The following RFC3 variants were observed in gnomAD, a reference collection of about 807,000 sequenced individuals.
RFC3 encodes the protein A1 38 kDa subunit.
Under a neutral mutation model 45.1 loss-of-function variants are expected in RFC3, and 41 were observed. The ratio of observed to expected loss-of-function variants is 0.91; its 90% CI spans 0.71 to 1.18. The LOEUF is 1.18. RFC3 is among the 50% of genes most tolerant of loss of function. The pLI is 0.00. For missense variants in RFC3, 423 were observed against 428.1 expected (o/e 0.99, Z 0.10); for synonymous variants, 149 against 144.0 (o/e 1.03, Z -0.25).
chr13:33,958,728 C>G (rs1278874506), intron 8 of RFC3, among the ~76,000 whole-genome samples: 2 of 152,144 alleles, frequency 1.3e-5, no homozygotes, highest in African/African-American at 4.8e-5. Flanking sequence ...TGTTTTTAAT[C>G]CACCATAATG....
At chr13:33,957,944 A>G (rs186285680) in intron 8 of RFC3, among the ~76,000 whole-genome samples, 96 of 152,332 alleles carry the variant, frequency 6.3e-4, no homozygotes, top group African/African-American at 2.2e-3. Context: ...TAGGAATACA[A>G]TGGTGAACCA....
the RFC3 span, among the ~76,000 whole-genome samples, chr13:33,971,824 A>T: frequency 1.3e-5 from 2 of 152,226 alleles, no homozygotes; most frequent in Admixed American, 6.5e-5. Flanking sequence ...TACTTTAAAA[A>T]TTCCTGGTCA....
the RFC3 span, among the ~76,000 whole-genome samples, chr13:33,971,575 T>C: frequency 6.6e-6 from 1 of 152,210 alleles, no homozygotes; most frequent in African/African-American, 2.4e-5. Flanking sequence ...AGAGCAGCCA[T>C]AGGCTATAAG....
intron 8 of RFC3, among the ~76,000 whole-genome samples, chr13:33,938,445 G>A (rs2082902426): frequency 6.6e-6 from 1 of 151,944 alleles, no homozygotes; most frequent in Middle Eastern, 3.2e-3. Flanking sequence ...CCATGAAGAA[G>A]CAACAGATTA....
At chr13:33,976,398 T>C in the RFC3 span, among the ~76,000 whole-genome samples, 1 of 151,738 alleles carries the variant, frequency 6.6e-6, no homozygotes, top group African/African-American at 2.4e-5. Context: ...AGAATGGGGG[T>C]TATCAGAGGT....
chr13:33,901,337 A>G (rs2082640735), intron 8 of RFC3, among the ~76,000 whole-genome samples: 1 of 152,134 alleles, frequency 6.6e-6, no homozygotes, highest in Non-Finnish European at 1.5e-5. Context: ...GTATATATAC[A>G]CAATGAAATA....
chr13:33,966,943 G>A (rs1478010267), downstream of RFC3, among the ~76,000 whole-genome samples: 1 of 152,014 alleles, frequency 6.6e-6, no homozygotes, highest in Admixed American at 6.6e-5. Context: ...TATCACCTGA[G>A]CTCAGGAGTT....
intron 8 of RFC3, among the ~76,000 whole-genome samples, chr13:33,908,207 G>T (rs1290125629): frequency 6.6e-6 from 1 of 151,630 alleles, no homozygotes; most frequent in Non-Finnish European, 1.5e-5. Context: ...TAATCAGTTT[G>T]GCAGTTGTTT....
At chr13:33,897,760 A>G (rs1018412961) in intron 8 of RFC3, among the ~76,000 whole-genome samples, 7 of 152,222 alleles carry the variant, frequency 4.6e-5, no homozygotes, top group African/African-American at 1.7e-4. Context: ...AAAAGGCAGA[A>G]GTATCTATAA....
chr13:33,923,761 T>A (rs188164786), intron 8 of RFC3, among the ~76,000 whole-genome samples: 2 of 152,222 alleles, frequency 1.3e-5, no homozygotes, highest in Admixed American at 1.3e-4. Context: ...TTCACATCCT[T>A]TTAAAATCTG....
At chr13:33,872,751 A>C (rs1054902757) in intron 8 of RFC3, among the ~76,000 whole-genome samples, 4 of 150,772 alleles carry the variant, frequency 2.7e-5, no homozygotes, top group African/African-American at 9.8e-5. Context: ...AACAAACAAC[A>C]AAATGAAAAA....
intron 2 of RFC3, among the ~76,000 whole-genome samples, chr13:33,822,292 G>A (rs1166332623): frequency 6.6e-6 from 1 of 152,216 alleles, no homozygotes; most frequent in Non-Finnish European, 1.5e-5. Context: ...CATCTTCCCA[G>A]ATGGGTGGCT....
downstream of RFC3, among the ~76,000 whole-genome samples, chr13:33,841,168 G>T (rs529979100): frequency 7.9e-4 from 120 of 152,320 alleles, no homozygotes; most frequent in South Asian, 1.7e-3. Flanking sequence ...AGACTCTAAT[G>T]CCTGATGATC....
intron 8 of RFC3, among the ~76,000 whole-genome samples, chr13:33,902,379 C>T (rs961624229): frequency 6.6e-6 from 1 of 151,942 alleles, no homozygotes; most frequent in African/African-American, 2.4e-5. Context: ...CTATGGGATT[C>T]TCAGGTCTCA....
At chr13:33,847,445 C>G (rs1366324528) in intron 8 of RFC3, 1 of 152,102 alleles carries the variant, frequency 6.6e-6, no homozygotes, top group Non-Finnish European at 1.5e-5. Flanking sequence ...ATCTGGCCAT[C>G]TTGCTTCACC....
At chr13:33,965,626 T>C (rs2083083749) in intron 8 of RFC3, among the ~76,000 whole-genome samples, 2 of 152,222 alleles carry the variant, frequency 1.3e-5, no homozygotes, top group Non-Finnish European at 2.9e-5. Flanking sequence ...ATTATTGTTA[T>C]TGCATTTTTA....
At chr13:33,844,870 G>C (rs1302986353) in intron 8 of RFC3, among the ~76,000 whole-genome samples, 1 of 152,164 alleles carries the variant, frequency 6.6e-6, no homozygotes, top group Non-Finnish European at 1.5e-5. Context: ...ACTATTGCCA[G>C]TGAGTCTTGT....
intron 3 of RFC3, 101 bp downstream of exon 3, chr13:33,824,085 G>A (rs886673570): frequency 3.5e-6 from 2 of 579,350 alleles, no homozygotes. Flanking sequence ...AAATTGATAC[G>A]TGTGGAAGCA....
chr13:33,825,715 T>G, intron 3 of RFC3, 74 bp from the exon 4 acceptor site: 1 of 777,764 alleles, frequency 1.3e-6, no homozygotes, highest in Non-Finnish European at 1.9e-6. Context: ...TTTGACCACT[T>G]AAGAACTTCA....
Sources: allele counts gnomAD v4.1 joint callset (sites outside exome capture counted in the v4.1 genomes callset), GRCh38; gene constraint gnomAD v4.1.1; transcripts MANE v1.5; gene names NCBI Gene and HGNC (gene_info 2026-07-23, HGNC 2026-07-21).